RBFOX1: variants seen among roughly 807,000 people sequenced by gnomAD.
The protein encoded by RBFOX1 is RNA binding fox-1 homolog 1.
RBFOX1 carries 8 observed loss-of-function variants against 57.7 expected under a neutral mutation model. That is an observed-to-expected ratio of 0.14 (90% CI 0.08 to 0.25). The LOEUF (loss-of-function observed/expected upper bound fraction) is 0.25, where lower values mean the gene tolerates loss of function less well. RBFOX1 is among the 10% of genes least tolerant of loss of function. The probability of loss-of-function intolerance (pLI) is 1.00; values close to 1 mark genes in which losing one functional copy is unlikely to be tolerated. For missense variants in RBFOX1, 611 were observed against 548.5 expected, an observed-to-expected ratio of 1.11 and a Z score of -1.14; for synonymous variants, 326 against 222.4, an observed-to-expected ratio of 1.47 and a Z score of -4.15.
At chr16:6,655,503 C>A (rs181116004) in intron 3 of RBFOX1, among the ~76,000 whole-genome samples, 6 of 149,982 alleles carry the variant, frequency 4.0e-5, no homozygotes, top group African/African-American at 1.5e-4. Flanking sequence ...CCATTTTCTA[C>A]ATATTTAGAG....
intron 2 of RBFOX1, among the ~76,000 whole-genome samples, chr16:6,479,926 C>G (rs922848148): frequency 6.6e-6 from 1 of 151,636 alleles, no homozygotes; most frequent in Non-Finnish European, 1.5e-5. Flanking sequence ...TGGCGGGTAC[C>G]TATGATCTCA....
rs965819803 is a variant in RBFOX1, at chr16:6,894,359, C to G, written c.-15-157698C>G. Among the ~76,000 whole-genome samples the G allele has an allele frequency of 3.3e-5, 5 of 152,278 alleles. No homozygotes were observed. In the East Asian group the frequency reaches 7.7e-4, roughly 24 times the overall value. ...GTTCTGTGTGACTTTGACAGTCAGTCTCATGGATGGGTGAAATGAAGTTTT... is the reference window on the plus strand; with the variant it reads ...GTTCTGTGTGACTTTGACAGTCAGTGTCATGGATGGGTGAAATGAAGTTTT... On this transcript the variant is annotated intron_variant, in intron 3 of 15. Transcript: ENST00000550418.
chr16:6,076,231 G>A (rs368349023), intron 1 of RBFOX1, among the ~76,000 whole-genome samples: 1 of 151,972 alleles, frequency 6.6e-6, no homozygotes, highest in Admixed American at 6.6e-5. Flanking sequence ...CCCGGGAGGC[G>A]GAAGTTGCAG....
intron 3 of RBFOX1, among the ~76,000 whole-genome samples, chr16:6,766,311 A>G (rs996051724): frequency 2.0e-5 from 3 of 151,646 alleles, no homozygotes; most frequent in Admixed American, 6.6e-5. Context: ...TTCCTTTTTT[A>G]TTTAGTTTTT....
At chr16:6,494,491 C>T (rs1361193122) in intron 2 of RBFOX1, among the ~76,000 whole-genome samples, 1 of 152,150 alleles carries the variant, frequency 6.6e-6, no homozygotes, top group Non-Finnish European at 1.5e-5. Context: ...TTGGGATGGG[C>T]TTATTGACTC....
chr16:6,884,543 A>T (rs987533154), intron 3 of RBFOX1, among the ~76,000 whole-genome samples: 8 of 152,206 alleles, frequency 5.3e-5, no homozygotes, highest in Non-Finnish European at 1.2e-4. Context: ...ATCATCTGTT[A>T]CATTATCATA....
In RBFOX1 at chr16:7,041,010, G is replaced by A. The variant is rs1597775492; in HGVS notation, c.-15-11047G>A. ...TGCTCATTGCAACGTCCACCTCCTG[G>A]GTTCAAGCGATTCTCCTGCCTCAGC... On this transcript the variant is annotated intron_variant, in intron 3 of 15. Transcript: ENST00000550418. 2.6e-5 allele frequency among the ~76,000 whole-genome samples: 4 copies of A among 151,708 alleles called. 1 individual carries two copies. In the South Asian group the frequency reaches 8.3e-4, roughly 32 times the overall value.
At chr16:5,843,082 C>A (rs1318592338) in intron 3 of RBFOX1, among the ~76,000 whole-genome samples, 1 of 152,200 alleles carries the variant, frequency 6.6e-6, no homozygotes, top group African/African-American at 2.4e-5. Context: ...CCGCCTTGGC[C>A]TCCCAAAGTG....
intron 1 of RBFOX1, among the ~76,000 whole-genome samples, chr16:5,448,508 C>T (rs534930238): frequency 9.2e-5 from 14 of 152,292 alleles, no homozygotes; most frequent in African/African-American, 3.4e-4. Flanking sequence ...GAAATCTTCT[C>T]ACTTTCCAAG....
intron 2 of RBFOX1, among the ~76,000 whole-genome samples, chr16:5,484,054 C>G (rs886935596): frequency 2.0e-5 from 3 of 152,254 alleles, no homozygotes; most frequent in East Asian, 3.9e-4. Context: ...ACCTATAGTC[C>G]CAACTACTCA....
chr16:7,693,669 G>A (rs951584212), intron 14 of RBFOX1, among the ~76,000 whole-genome samples: 19 of 152,066 alleles, frequency 1.2e-4, no homozygotes, highest in Non-Finnish European at 1.5e-4. Context: ...TGCTCTTATG[G>A]TAAAATAGGG....
At chr16:7,617,771 GATGCAAAACAAACTGTCA>G (rs1315933473) in intron 10 of RBFOX1, among the ~76,000 whole-genome samples, 1 of 152,130 alleles carries the variant, frequency 6.6e-6, no homozygotes, top group African/African-American at 2.4e-5. Context: ...GTAGTAGAAG[GATGCAAAACAAACTGTCA>G]ATGCGGGTAT....
At chr16:5,463,565 C>T (rs528040056) in intron 1 of RBFOX1, among the ~76,000 whole-genome samples, 85 of 151,956 alleles carry the variant, frequency 5.6e-4, no homozygotes, top group African/African-American at 1.8e-3. Context: ...TTTGGGAGGC[C>T]GAGGCAGGCG....
At chr16:5,597,274 C>A (rs947165855) in intron 2 of RBFOX1, among the ~76,000 whole-genome samples, 1 of 145,808 alleles carries the variant, frequency 6.9e-6, no homozygotes, top group Non-Finnish European at 1.5e-5. Flanking sequence ...TCTGTCCTTC[C>A]CTCTTTCTCT....
intron 1 of RBFOX1, among the ~76,000 whole-genome samples, chr16:6,124,191 G>C (rs2096572027): frequency 6.6e-6 from 1 of 152,146 alleles, no homozygotes. Flanking sequence ...ACTGAAACTG[G>C]ATTCCCTTTT....
chr16:6,150,046 C>A (rs983093714), intron 1 of RBFOX1, among the ~76,000 whole-genome samples: 1 of 152,088 alleles, frequency 6.6e-6, no homozygotes, highest in African/African-American at 2.4e-5. Context: ...AGATGTAGAG[C>A]GCGATTCTAT....
chr16:6,236,559 C>T (rs748333621), intron 1 of RBFOX1, among the ~76,000 whole-genome samples: 1 of 152,004 alleles, frequency 6.6e-6, no homozygotes, highest in Non-Finnish European at 1.5e-5. Flanking sequence ...CTCAGTCACC[C>T]AAGTAGCAGG....
intron 3 of RBFOX1, among the ~76,000 whole-genome samples, chr16:6,916,626 C>G (rs12924423): frequency 0.28 from 42,030 of 151,854 alleles, 6,246 homozygotes; most frequent in African/African-American, 0.39. Flanking sequence ...ATTGGCCGTT[C>G]TGGCTTGTGT....
intron 2 of RBFOX1, among the ~76,000 whole-genome samples, chr16:5,568,931 G>A (rs1341487827): frequency 6.6e-6 from 1 of 151,930 alleles, no homozygotes. Context: ...ACCTCCGCCC[G>A]CTGGGTTCAA....
Sources: allele counts gnomAD v4.1 joint callset (sites outside exome capture counted in the v4.1 genomes callset), GRCh38; gene constraint gnomAD v4.1.1; transcripts MANE v1.5; gene names NCBI Gene and HGNC (gene_info 2026-07-23, HGNC 2026-07-21).